AKR1B1: variants seen among roughly 807,000 people sequenced by gnomAD.
The protein encoded by AKR1B1 is aldo-keto reductase family 1 member B.
Under a neutral mutation model 40.4 loss-of-function variants are expected in AKR1B1, and 22 were observed. The ratio of observed to expected loss-of-function variants is 0.54; its 90% CI spans 0.39 to 0.78. The LOEUF (loss-of-function observed/expected upper bound fraction) is 0.78, where lower values mean the gene tolerates loss of function less well. Among genes scored for constraint, AKR1B1 ranks in the 30% least tolerant of loss-of-function variants. The probability of loss-of-function intolerance (pLI) is 0.00; values close to 1 mark genes in which losing one functional copy is unlikely to be tolerated. For synonymous variants in AKR1B1, 157 were observed against 149.9 expected, an observed-to-expected ratio of 1.05 and a Z score of -0.35; for missense variants, 357 against 396.7, an observed-to-expected ratio of 0.90 and a Z score of 0.85.
chr7:134,442,875 AC>A, intron 9 of AKR1B1, 105 bp from the exon 10 acceptor site: 3 of 1,121,350 alleles, frequency 2.7e-6, no homozygotes, highest in Non-Finnish European at 4.0e-6. Flanking sequence ...ATAAAATAGA[AC>A]CTCAGAGGCA....
At position 134,448,042 on chromosome 7, in the gene AKR1B1, A is replaced by T; in HGVS notation, c.679T>A (p.Ser227Thr). The T allele has an allele frequency of 1.9e-6, 3 of 1,612,800 alleles. No individual in the cohort carries two copies. Among genetic ancestry groups the T allele is most frequent in the Non-Finnish European group, 2.5e-6 (3 of 1,179,756 alleles). The change falls in exon 7 of 10, where the codon TCT becomes ACT. Residue 227 changes from serine to threonine, a missense_variant. Ser to Thr is a moderately conservative substitution (Grantham distance 58). Coordinates refer to ENST00000285930, the MANE Select transcript of AKR1B1 (RefSeq NM_001628.4). ...DRPWAKPEDP[S>T]LLEDPRIKAI... is the part of the protein sequence containing the mutation. ...TTGATCCTGGGATCCTCCAGGAGAGAAGGGTCCTCGGGCTTGGCCCTGAGG... is the reference window on the plus strand; with the variant it reads ...TTGATCCTGGGATCCTCCAGGAGAGTAGGGTCCTCGGGCTTGGCCCTGAGG...
chr7:134,443,358 A>C (rs192333044), intron 9 of AKR1B1, among the ~76,000 whole-genome samples: 1 of 152,094 alleles, frequency 6.6e-6, no homozygotes, highest in Admixed American at 6.5e-5. Context: ...GGCTGCAGTG[A>C]GCTGTGATCA....
At chr7:134,450,403 T>C (rs1485853934) in intron 3 of AKR1B1, among the ~76,000 whole-genome samples, 4 of 152,066 alleles carry the variant, frequency 2.6e-5, no homozygotes, top group Non-Finnish European at 5.9e-5. Context: ...GACTCATGTG[T>C]ATGGGGGTTG....
In AKR1B1 at chr7:134,448,987, G is replaced by A; in HGVS notation, c.552+10C>T. 6.2e-7 allele frequency: 1 copy of A among 1,614,014 alleles called. No individual in the cohort carries two copies. Among genetic ancestry groups the A allele is most frequent in the Non-Finnish European group, 8.5e-7 (1 of 1,179,966 alleles). On this transcript the variant is annotated intron_variant, in intron 5 of 9. Transcript: ENST00000285930. ...ACGTTGCAATGCCAGTGTCGTTGGG[G>A]GATGTTTACCTGGTTAACTGCAGGC...
chr7:134,458,619 C>A (rs377246623), intron 1 of AKR1B1, among the ~76,000 whole-genome samples: 2 of 152,334 alleles, frequency 1.3e-5, no homozygotes, highest in African/African-American at 4.8e-5. Flanking sequence ...GCCCGAGGTC[C>A]ACCGGTCTGT....
chr7:134,452,264 C>A (rs575415751), intron 1 of AKR1B1, among the ~76,000 whole-genome samples: 60 of 152,264 alleles, frequency 3.9e-4, no homozygotes, highest in African/African-American at 1.4e-3. Flanking sequence ...TGTTTTCAAG[C>A]GGTTCTGGGA....
In AKR1B1 at chr7:134,449,111, T is replaced by C. The variant is rs2117453222; in HGVS notation, c.438A>G (p.Glu146=). Residue 146 remains glutamate, a synonymous_variant, in exon 5 of 10, where the codon GAA becomes GAG. Coordinates refer to ENST00000285930, the MANE Select transcript of AKR1B1 (RefSeq NM_001628.4). The part of the protein sequence containing the change: ...TNILDTWAAM[E]ELVDEGLVKA... ...TCACCAGCCCTTCATCCACCAGCTC[T>C]TCCATGGCCTACAGAGAAAAGTGTC... 6.2e-7 allele frequency: 1 copy of C among 1,613,672 alleles called. No homozygotes were observed. The highest frequency in any genetic ancestry group is 8.5e-7 in the Non-Finnish European group (1 of 1,180,016).
In AKR1B1 at chr7:134,451,747, G is replaced by A. The variant is rs1806295719; in HGVS notation, c.73C>T (p.Pro25Ser). Residue 25 changes from proline to serine, a missense_variant, in exon 2 of 10, where the codon CCA (proline) becomes TCA (serine). Physicochemically the swap from Pro to Ser is moderately conservative, Grantham distance 74. Transcript: ENST00000285930. Reference sequence around the variant, plus strand: ...TTCACGGCCTCAGTCACCTGCCCTGGAGGGGACTGAAAGGAGAAAGAACGT... The same window carrying A: ...TTCACGGCCTCAGTCACCTGCCCTGAAGGGGACTGAAAGGAGAAAGAACGT... ...ILGLGTWKSP[P>S]GQVTEAVKVA... The A allele has an allele frequency of 2.5e-6, 4 of 1,614,098 alleles. No homozygotes were observed. Among genetic ancestry groups the A allele is most frequent in the Non-Finnish European group, 3.4e-6 (4 of 1,180,000 alleles).
At chr7:134,457,836 G>C (rs1234841882) in intron 1 of AKR1B1, among the ~76,000 whole-genome samples, 2 of 151,930 alleles carry the variant, frequency 1.3e-5, no homozygotes, top group East Asian at 1.9e-4. Flanking sequence ...CTGTCTCTGC[G>C]GGGAAGAAAA....
intron 1 of AKR1B1, 88 bp downstream of exon 1, chr7:134,458,909 G>GCTCAGGGTCA: frequency 6.9e-7 from 1 of 1,446,170 alleles, no homozygotes; most frequent in Non-Finnish European, 9.5e-7. Context: ...GGGGCGAGCT[G>GCTCAGGGTCA]CTCAGGGTCA....
chr7:134,458,897 G>T, intron 1 of AKR1B1, 100 bp downstream of exon 1: 1 of 1,381,016 alleles, frequency 7.2e-7, no homozygotes, highest in Non-Finnish European at 1.0e-6. Context: ...CCGGGCGTCC[G>T]CGGGGCGAGC....
chr7:134,442,787 G>GA lies in AKR1B1; in HGVS notation c.909-18dup. 6.2e-7 allele frequency: 1 copy of GA among 1,613,688 alleles called. No individual in the cohort carries two copies. Among genetic ancestry groups the GA allele is most frequent in the Non-Finnish European group, 8.5e-7 (1 of 1,179,650 alleles). On this transcript the variant is annotated splice_polypyrimidine_tract_variant and intron_variant, in intron 9 of 9. Coordinates refer to ENST00000285930, the MANE Select transcript of AKR1B1 (RefSeq NM_001628.4). ...GAGGTACAGCTGTCAGGAGAAAGGA[G>GA]AAAACAGTTGCTTTTTGAAGAGGTG...
chr7:134,459,205 TG>T (rs200072014), upstream of AKR1B1: 21,943 of 1,028,418 alleles, frequency 0.021, 582 homozygotes, highest in South Asian at 0.1. Flanking sequence ...TTGGTTGCGC[TG>T]GGGGTGCCGC....
At chr7:134,456,239 G>T (rs1034212855) in intron 1 of AKR1B1, among the ~76,000 whole-genome samples, 1 of 151,986 alleles carries the variant, frequency 6.6e-6, no homozygotes, top group Non-Finnish European at 1.5e-5. Context: ...TTGCTCCATC[G>T]CCCAGGCTGG....
intron 5 of AKR1B1, 47 bp from the exon 6 acceptor site, chr7:134,448,540 C>T: frequency 7.2e-7 from 1 of 1,394,190 alleles, no homozygotes; most frequent in Non-Finnish European, 1.0e-6. Context: ...TGGCTACACG[C>T]TGATGGGACA....
chr7:134,448,387 C>G lies in AKR1B1; in HGVS notation c.659G>C (p.Trp220Ser), dbSNP rs748119899. 2.7e-5 allele frequency: 43 copies of G among 1,612,542 alleles called. No individual in the cohort carries two copies. The highest frequency in any genetic ancestry group is 8.3e-5 in the Admixed American group (5 of 59,976). Reference protein sequence around the residue: ...YSPLGSPDRPWAKPEDPSLLE... With the variant: ...YSPLGSPDRPSAKPEDPSLLE... The stretch of plus-strand genomic sequence containing the variant: ...GAGCATGAGCCTGTGGGAAGCTCAC[C>G]AGGGCCTGTCAGGAGAGCCGAGGGG... The change falls in exon 6 of 10, where the codon TGG becomes TCG. Residue 220 changes from tryptophan (W) to serine (S), a missense_variant and splice_region_variant. Coordinates refer to ENST00000285930, the MANE Select transcript of AKR1B1 (RefSeq NM_001628.4).
chr7:134,451,365 C>A, intron 2 of AKR1B1: 1 of 637,804 alleles, frequency 1.6e-6, no homozygotes, highest in South Asian at 1.8e-5. Flanking sequence ...CTCATCAGCA[C>A]GGGACTCTAA....
upstream of AKR1B1, chr7:134,459,111 G>A (rs5053): frequency 6.4e-7 from 1 of 1,570,006 alleles, no homozygotes; most frequent in Non-Finnish European, 8.6e-7. Context: ...GGCCTTGGCC[G>A]CGGCGCGTAC....
chr7:134,451,607 C>T lies in AKR1B1; in HGVS notation c.213G>A (p.Glu71=). ...EKLREQVVKR[E]ELFIVSKLWC... ...ATACCTTGCTGACGATGAAGAGCTC[C>T]TCACGCTTCACCACCTGCTCCCTGA... Residue 71 remains glutamate, a synonymous_variant, in exon 2 of 10, where the codon GAG becomes GAA. Transcript: ENST00000285930. 1 of 1,614,134 alleles carries T rather than the reference C, an allele frequency of 6.2e-7. No homozygotes were observed. Among genetic ancestry groups the T allele is most frequent in the Non-Finnish European group, 8.5e-7 (1 of 1,180,030 alleles).
Sources: allele counts gnomAD v4.1 joint callset (sites outside exome capture counted in the v4.1 genomes callset), GRCh38; gene constraint gnomAD v4.1.1; transcripts MANE v1.5; gene names NCBI Gene and HGNC (gene_info 2026-07-23, HGNC 2026-07-21).